Variants in GALNT13 observed in about 807,000 individuals in gnomAD.
GALNT13 encodes the protein UDP-GalNAc:polypeptide N-acetylgalactosaminyltransferase 13.
In GALNT13, 28 loss-of-function variants were observed where a neutral mutation model predicts 64.2. The observed-to-expected ratio is 0.44, with a 90% CI of 0.32 to 0.60. The LOEUF (loss-of-function observed/expected upper bound fraction) is 0.60, where lower values mean the gene tolerates loss of function less well. Ranked by LOEUF, GALNT13 falls within the 20% of genes least tolerant of loss-of-function variation. GALNT13 has a pLI of 0.05. For synonymous variants in GALNT13, 214 were observed against 224.6 expected (o/e 0.95, Z 0.42); for missense variants, 577 against 669.8 (o/e 0.86, Z 1.53).
At chr2:153,983,845 G>A (rs1170244564) in intron 3 of GALNT13, among the ~76,000 whole-genome samples, 1 of 151,878 alleles carries the variant, frequency 6.6e-6, no homozygotes. Context: ...TTTCAATAAA[G>A]GTATCACTTA....
chr2:154,263,672 C>T (rs1690824354), intron 8 of GALNT13, among the ~76,000 whole-genome samples: 1 of 152,136 alleles, frequency 6.6e-6, no homozygotes, highest in Non-Finnish European at 1.5e-5. Context: ...ACTTTTTATA[C>T]TTCCACAACA....
At chr2:154,016,024 G>C (rs1039653917) in intron 3 of GALNT13, among the ~76,000 whole-genome samples, 1 of 152,148 alleles carries the variant, frequency 6.6e-6, no homozygotes, top group African/African-American at 2.4e-5. Flanking sequence ...TAGGAAATTA[G>C]CTTATTCTTT....
At chr2:153,953,804 C>A (rs1173142819) in intron 3 of GALNT13, among the ~76,000 whole-genome samples, 2 of 152,074 alleles carry the variant, frequency 1.3e-5, no homozygotes, top group African/African-American at 4.8e-5. Flanking sequence ...TTTTAAGTTG[C>A]TCTTATTCAC....
At chr2:154,032,356 A>G (rs1216055137) in intron 3 of GALNT13, among the ~76,000 whole-genome samples, 1 of 152,032 alleles carries the variant, frequency 6.6e-6, no homozygotes, top group African/African-American at 2.4e-5. Context: ...TAACCTTTTA[A>G]GAAAAAAATA....
At chr2:153,392,351 A>G in the GALNT13 span, among the ~76,000 whole-genome samples, 1 of 151,968 alleles carries the variant, frequency 6.6e-6, no homozygotes, top group Non-Finnish European at 1.5e-5. Flanking sequence ...AAACCCCACA[A>G]AAAAACAAGT....
At chr2:153,641,957 CA>C in the GALNT13 span, among the ~76,000 whole-genome samples, 1 of 151,880 alleles carries the variant, frequency 6.6e-6, no homozygotes, top group African/African-American at 2.4e-5. Flanking sequence ...TATTTAATAA[CA>C]TTTTTCAAGA....
At chr2:154,242,226 G>T (rs1489834692) in intron 5 of GALNT13, 30 bp downstream of exon 5, 11 of 1,589,224 alleles carry the variant, frequency 6.9e-6, no homozygotes, top group East Asian at 2.3e-5. Context: ...TTTTGTTTTT[G>T]TTTTTTTGTT....
chr2:154,323,894 A>G (rs1187014399), intron 9 of GALNT13, among the ~76,000 whole-genome samples: 2 of 152,092 alleles, frequency 1.3e-5, no homozygotes, highest in Non-Finnish European at 2.9e-5. Flanking sequence ...GAAGTTTGTC[A>G]GACGGTTTTG....
At chr2:153,793,740 A>G in the GALNT13 span, among the ~76,000 whole-genome samples, 1 of 152,050 alleles carries the variant, frequency 6.6e-6, no homozygotes, top group Non-Finnish European at 1.5e-5. Context: ...TTTAAGAACT[A>G]GTAATCCACC....
At chr2:154,179,976 A>G (rs974739251) in intron 4 of GALNT13, among the ~76,000 whole-genome samples, 5 of 152,128 alleles carry the variant, frequency 3.3e-5, no homozygotes, top group African/African-American at 1.2e-4. Flanking sequence ...AGTGCATTTT[A>G]TTATGTGCTT....
At chr2:153,127,055 A>G in the GALNT13 span, among the ~76,000 whole-genome samples, 1 of 152,198 alleles carries the variant, frequency 6.6e-6, no homozygotes, top group Non-Finnish European at 1.5e-5. Flanking sequence ...AGGATATGCA[A>G]TCTAATCTTT....
At chr2:153,529,358 C>A in the GALNT13 span, among the ~76,000 whole-genome samples, 2 of 151,728 alleles carry the variant, frequency 1.3e-5, no homozygotes, top group South Asian at 4.2e-4. Context: ...CCAGAGTGAA[C>A]CATGAAGAAA....
chr2:154,271,937 A>C (rs1388024927), intron 8 of GALNT13, among the ~76,000 whole-genome samples: 1 of 151,920 alleles, frequency 6.6e-6, no homozygotes, highest in Non-Finnish European at 1.5e-5. Context: ...GACATCCTGA[A>C]TGAGTTGGAA....
intron 8 of GALNT13, among the ~76,000 whole-genome samples, chr2:154,291,964 T>C (rs531946926): frequency 6.6e-6 from 1 of 152,336 alleles, no homozygotes; most frequent in African/African-American, 2.4e-5. Flanking sequence ...AGCCGAGCCC[T>C]CTGTAAAGAC....
intron 11 of GALNT13, among the ~76,000 whole-genome samples, chr2:154,424,106 A>T (rs1408276313): frequency 6.6e-6 from 1 of 152,238 alleles, no homozygotes; most frequent in East Asian, 1.9e-4. Context: ...AGGGCATATG[A>T]TGACTAAAAA....
chr2:154,153,241 C>T (rs966690829), intron 4 of GALNT13, among the ~76,000 whole-genome samples: 4 of 152,168 alleles, frequency 2.6e-5, no homozygotes, highest in African/African-American at 9.7e-5. Context: ...GGCTGCAGAA[C>T]AGTGGATTTT....
At chr2:154,274,809 T>C (rs1205486065) in intron 8 of GALNT13, among the ~76,000 whole-genome samples, 1 of 152,076 alleles carries the variant, frequency 6.6e-6, no homozygotes, top group East Asian at 1.9e-4. Context: ...ACTTTGGAAC[T>C]GGGTAACAGG....
the GALNT13 span, among the ~76,000 whole-genome samples, chr2:153,201,127 A>G: frequency 1.3e-5 from 2 of 152,176 alleles, no homozygotes; most frequent in Non-Finnish European, 2.9e-5. Context: ...ACACAACTCC[A>G]TCTGGTCCTG....
the GALNT13 span, among the ~76,000 whole-genome samples, chr2:153,532,410 A>ATGCTTCTCT: frequency 1.3e-5 from 2 of 152,116 alleles, no homozygotes; most frequent in African/African-American, 4.8e-5. Flanking sequence ...TGGGCCTGAC[A>ATGCTTCTCT]CAAAAGATCA....
Sources: gnomAD v4.1 joint callset for allele counts (sites outside exome capture counted in the v4.1 genomes callset) on GRCh38, gnomAD v4.1.1 for gene constraint, MANE v1.5 for transcripts, NCBI Gene and HGNC (gene_info 2026-07-23, HGNC 2026-07-21) for gene names.